ACSM3: variants seen among roughly 807,000 people sequenced by gnomAD.
ACSM3 encodes the protein acyl-coenzyme A synthetase ACSM3, mitochondrial.
A neutral mutation model predicts 74.1 loss-of-function variants in ACSM3; 61 were observed. The ratio of observed to expected loss-of-function variants is 0.82; its 90% CI spans 0.67 to 1.02. The LOEUF (loss-of-function observed/expected upper bound fraction) is 1.02, where lower values mean the gene tolerates loss of function less well. ACSM3 is among the 50% of genes least tolerant of loss of function. ACSM3 has a pLI of 0.00. For missense variants in ACSM3, 660 were observed against 697.0 expected, an observed-to-expected ratio of 0.95 and a Z score of 0.60; for synonymous variants, 213 against 241.5, an observed-to-expected ratio of 0.88 and a Z score of 1.09.
At chr16:20,718,771 G>T (rs145472463) in intron 1 of ACSM3, among the ~76,000 whole-genome samples, 2 of 152,036 alleles carry the variant, frequency 1.3e-5, no homozygotes, top group Non-Finnish European at 2.9e-5. Context: ...ACCCAGAAAG[G>T]CCTTCCTAAA....
At chr16:20,740,195 C>G (rs2079904828) in intron 1 of ACSM3, among the ~76,000 whole-genome samples, 1 of 152,170 alleles carries the variant, frequency 6.6e-6, no homozygotes, top group Non-Finnish European at 1.5e-5. Flanking sequence ...GAATTTGACA[C>G]CAGCCTGGAC....
chr16:20,745,290 A>G (rs756879729), intron 1 of ACSM3, among the ~76,000 whole-genome samples: 36 of 152,082 alleles, frequency 2.4e-4, no homozygotes, highest in Non-Finnish European at 4.6e-4. Context: ...CCTCTCTTAG[A>G]AGGGACCACT....
chr16:20,788,109 T>A (rs1319268885), intron 9 of ACSM3, among the ~76,000 whole-genome samples: 1 of 152,112 alleles, frequency 6.6e-6, no homozygotes, highest in Non-Finnish European at 1.5e-5. Context: ...TATTTATTTA[T>A]TTTTTTATTT....
At chr16:20,791,477 G>A (rs2152486031) in intron 10 of ACSM3, among the ~76,000 whole-genome samples, 1 of 152,298 alleles carries the variant, frequency 6.6e-6, no homozygotes, top group East Asian at 1.9e-4. Context: ...AAAATCTCAA[G>A]ATGGAAACAT....
intron 1 of ACSM3, chr16:20,734,987 G>C (rs1221600271): frequency 6.6e-6 from 1 of 152,200 alleles, no homozygotes; most frequent in East Asian, 1.9e-4. Context: ...CTCCAGCCGG[G>C]TTAGAACAAG....
At chr16:20,757,238 T>G (rs1383635900) in intron 3 of ACSM3, among the ~76,000 whole-genome samples, 1 of 152,216 alleles carries the variant, frequency 6.6e-6, no homozygotes, top group Non-Finnish European at 1.5e-5. Flanking sequence ...TATGGCCATT[T>G]TCACAATATT....
chr16:20,705,367 C>T (rs962135595), intron 1 of ACSM3, among the ~76,000 whole-genome samples: 13 of 127,422 alleles, frequency 1.0e-4, no homozygotes, highest in Admixed American at 7.7e-4. Context: ...AGCGAGACTC[C>T]GTCTCAGAAA....
At chr16:20,732,107 G>C (rs1369084955) in intron 1 of ACSM3, among the ~76,000 whole-genome samples, 1 of 152,040 alleles carries the variant, frequency 6.6e-6, no homozygotes, top group East Asian at 1.9e-4. Context: ...GAACATACCT[G>C]TATGTATCAA....
intron 13 of ACSM3, 194 bp from the exon 14 acceptor site, chr16:20,796,692 A>G: frequency 2.0e-6 from 3 of 1,477,522 alleles, no homozygotes; most frequent in Non-Finnish European, 2.7e-6. Context: ...GGCTTACTGG[A>G]CTCACAGTAA....
intron 1 of ACSM3, among the ~76,000 whole-genome samples, chr16:20,695,348 A>C (rs995292082): frequency 1.3e-5 from 2 of 152,234 alleles, no homozygotes; most frequent in African/African-American, 4.8e-5. Context: ...TCCTGCAAAA[A>C]GCATTCAGCA....
At chr16:20,738,474 CAAGTAT>C (rs2079890079) in intron 1 of ACSM3, among the ~76,000 whole-genome samples, 1 of 152,120 alleles carries the variant, frequency 6.6e-6, no homozygotes, top group South Asian at 2.1e-4. Context: ...TGCCTACATA[CAAGTAT>C]ATTTGGGGCT....
intron 1 of ACSM3, among the ~76,000 whole-genome samples, chr16:20,719,689 G>A (rs936517677): frequency 2.6e-5 from 4 of 152,194 alleles, no homozygotes; most frequent in Non-Finnish European, 5.9e-5. Flanking sequence ...CAGATTAGAA[G>A]TCTCAAATCT....
At chr16:20,677,936 A>C (rs1159493431) in intron 1 of ACSM3, among the ~76,000 whole-genome samples, 2 of 152,160 alleles carry the variant, frequency 1.3e-5, no homozygotes, top group Non-Finnish European at 2.9e-5. Context: ...ACAGCTCTTA[A>C]ATGCTGTATA....
chr16:20,741,481 G>GGGGGGGGGGGGGCGCC, intron 1 of ACSM3: 4 of 1,308,410 alleles, frequency 3.1e-6, no homozygotes, highest in Non-Finnish European at 4.0e-6. Context: ...CTGGCAGCCG[G>GGGGGGGGGGGGGCGCC]CCCGCCCGCC....
Position 20,751,291 on chromosome 16 carries a change from C to G in ACSM3, c.-96+1288C>G, listed in dbSNP as rs934427414. 1.2e-4 allele frequency among the ~76,000 whole-genome samples: 18 copies of G among 152,318 alleles called. 2 individuals are homozygous for G. In the South Asian group the frequency reaches 3.7e-3, roughly 32 times the overall value. ...TGAAACAGAATTCAAGGTCTTCTAT[C>G]TGTATGTAACTTACAAAATAGTTGA... On this transcript the variant is annotated intron_variant, in intron 2 of 3. Transcript: ENST00000561584.
intron 1 of ACSM3, chr16:20,691,003 C>T (rs372485374): frequency 1.3e-4 from 212 of 1,609,014 alleles, no homozygotes; most frequent in Non-Finnish European, 1.7e-4. Flanking sequence ...TTACCTTCTC[C>T]TTTTGAGCCC....
chr16:20,761,347 G>C (rs1392834698), upstream of ACSM3, among the ~76,000 whole-genome samples: 1 of 152,224 alleles, frequency 6.6e-6, no homozygotes, highest in Admixed American at 6.5e-5. Flanking sequence ...CTAAAGCTGT[G>C]TCATGGGTCA....
At chr16:20,751,238 C>T (rs1221003552) in intron 2 of ACSM3, among the ~76,000 whole-genome samples, 2 of 152,140 alleles carry the variant, frequency 1.3e-5, no homozygotes, top group African/African-American at 4.8e-5. Flanking sequence ...CATGAAAAAC[C>T]TCTTCCCCCT....
chr16:20,687,740 TATATATG>T (rs1359827277), intron 1 of ACSM3, among the ~76,000 whole-genome samples: 1 of 151,968 alleles, frequency 6.6e-6, no homozygotes, highest in African/African-American at 2.4e-5. Context: ...TTAGAAAAAC[TATATATG>T]AACAAAATAA....
Sources: allele counts gnomAD v4.1 joint callset (sites outside exome capture counted in the v4.1 genomes callset), GRCh38; gene constraint gnomAD v4.1.1; transcripts MANE v1.5; gene names NCBI Gene and HGNC (gene_info 2026-07-23, HGNC 2026-07-21).